The following UNC5D variants were observed in gnomAD, a reference collection of about 807,000 sequenced individuals.
UNC5D encodes the protein unc-5 netrin receptor D.
Under a neutral mutation model 105.4 loss-of-function variants are expected in UNC5D, and 39 were observed. That is an observed-to-expected ratio of 0.37 (90% confidence interval 0.29 to 0.48). UNC5D has a LOEUF of 0.48. UNC5D is among the 20% of genes least tolerant of loss of function. The pLI is 0.98. For synonymous variants in UNC5D, 452 were observed against 450.4 expected (o/e 1.00, Z -0.04); for missense variants, 991 against 1,202.4 (o/e 0.82, Z 2.60).
chr8:35,573,247 T>G (rs1817871490), intron 3 of UNC5D, among the ~76,000 whole-genome samples: 1 of 152,194 alleles, frequency 6.6e-6, no homozygotes, highest in African/African-American at 2.4e-5. Context: ...CCCAAATTCC[T>G]CATTTAACAG....
chr8:35,752,446 C>G (rs889393384), intron 13 of UNC5D, among the ~76,000 whole-genome samples: 1 of 152,124 alleles, frequency 6.6e-6, no homozygotes, highest in Admixed American at 6.5e-5. Flanking sequence ...GTAAAGGTGA[C>G]ACAGAGCCAG....
At chr8:35,514,689 A>G (rs1813000234) in intron 1 of UNC5D, among the ~76,000 whole-genome samples, 1 of 152,186 alleles carries the variant, frequency 6.6e-6, no homozygotes, top group African/African-American at 2.4e-5. Flanking sequence ...CCTTAGTGGC[A>G]ATTCAAACAA....
chr8:35,409,080 C>A (rs1210101700), intron 1 of UNC5D, among the ~76,000 whole-genome samples: 1 of 152,054 alleles, frequency 6.6e-6, no homozygotes, highest in Non-Finnish European at 1.5e-5. Context: ...TGTGTATCAT[C>A]CTTGTTGTAT....
intron 10 of UNC5D, among the ~76,000 whole-genome samples, chr8:35,729,190 A>C (rs921221749): frequency 6.6e-6 from 1 of 152,316 alleles, no homozygotes; most frequent in East Asian, 1.9e-4. Flanking sequence ...ACAGATAATT[A>C]AGCCAACTTG....
intron 1 of UNC5D, among the ~76,000 whole-genome samples, chr8:35,299,034 G>T (rs769247191): frequency 6.6e-6 from 1 of 152,178 alleles, no homozygotes; most frequent in Admixed American, 6.5e-5. Context: ...TTGTGCAAGG[G>T]AGTCAGATAT....
chr8:35,279,856 T>G (rs1181100146), intron 1 of UNC5D, among the ~76,000 whole-genome samples: 1 of 152,176 alleles, frequency 6.6e-6, no homozygotes, highest in Non-Finnish European at 1.5e-5. Flanking sequence ...GAAAATTGAA[T>G]CTATAGACTT....
chr8:35,735,553 G>A (rs1415429801), intron 11 of UNC5D, among the ~76,000 whole-genome samples: 4 of 152,204 alleles, frequency 2.6e-5, no homozygotes, highest in Non-Finnish European at 1.5e-5. Context: ...TGAGAAGGTA[G>A]AGGTGGTGGT....
At chr8:35,290,484 G>T (rs543120344) in intron 1 of UNC5D, among the ~76,000 whole-genome samples, 1 of 151,980 alleles carries the variant, frequency 6.6e-6, no homozygotes, top group African/African-American at 2.4e-5. Context: ...TAAGGGTAGG[G>T]GGTTGGGGAG....
At chr8:35,309,949 T>C (rs1476688115) in intron 1 of UNC5D, among the ~76,000 whole-genome samples, 2 of 152,212 alleles carry the variant, frequency 1.3e-5, no homozygotes, top group Non-Finnish European at 2.9e-5. Flanking sequence ...AATTTAGTGA[T>C]AGTTTTACTG....
At chr8:35,611,551 C>A (rs893444293) in intron 4 of UNC5D, among the ~76,000 whole-genome samples, 2 of 152,112 alleles carry the variant, frequency 1.3e-5, no homozygotes, top group African/African-American at 2.4e-5. Context: ...TATAATAGGT[C>A]GCATGAATTT....
chr8:35,541,938 T>C (rs984338350), intron 1 of UNC5D, among the ~76,000 whole-genome samples: 2 of 152,212 alleles, frequency 1.3e-5, no homozygotes, highest in South Asian at 2.1e-4. Flanking sequence ...TGAAGTTCTT[T>C]AAGGAACTAA....
chr8:35,268,768 A>T (rs1805068302), intron 1 of UNC5D, among the ~76,000 whole-genome samples: 1 of 152,160 alleles, frequency 6.6e-6, no homozygotes, highest in Non-Finnish European at 1.5e-5. Context: ...CCCCTATGAA[A>T]ATGATACTGT....
At chr8:35,574,845 C>T (rs1156244935) in intron 3 of UNC5D, among the ~76,000 whole-genome samples, 2 of 152,122 alleles carry the variant, frequency 1.3e-5, no homozygotes, top group African/African-American at 2.4e-5. Context: ...ATGTGGGACT[C>T]ATTTTCCCCT....
At chr8:35,718,344 T>G (rs1828374192) in intron 8 of UNC5D, among the ~76,000 whole-genome samples, 1 of 152,200 alleles carries the variant, frequency 6.6e-6, no homozygotes, top group African/African-American at 2.4e-5. Context: ...TCAAAATCAC[T>G]TTGAGCAAAC....
chr8:35,555,905 A>G (rs1346362974), intron 2 of UNC5D, among the ~76,000 whole-genome samples: 3 of 151,396 alleles, frequency 2.0e-5, no homozygotes, highest in Admixed American at 6.6e-5. Context: ...ACACACACAC[A>G]CACACACACA....
At chr8:35,601,715 T>C (rs905837894) in intron 4 of UNC5D, among the ~76,000 whole-genome samples, 1 of 152,134 alleles carries the variant, frequency 6.6e-6, no homozygotes, top group African/African-American at 2.4e-5. Flanking sequence ...ACGATGGGAT[T>C]TTCTAAATAT....
intron 4 of UNC5D, among the ~76,000 whole-genome samples, chr8:35,624,462 C>T (rs1821575543): frequency 6.6e-6 from 1 of 152,048 alleles, no homozygotes; most frequent in Admixed American, 6.6e-5. Flanking sequence ...TATAATAGTC[C>T]CGTATTCGTC....
At chr8:35,682,903 T>C (rs1174798814) in intron 4 of UNC5D, among the ~76,000 whole-genome samples, 1 of 152,174 alleles carries the variant, frequency 6.6e-6, no homozygotes, top group African/African-American at 2.4e-5. Context: ...CTCAACTGTG[T>C]CAGCTACCTA....
chr8:35,476,362 C>T lies in UNC5D; in HGVS notation c.104-72930C>T, dbSNP rs184727722. 1.4e-4 allele frequency among the ~76,000 whole-genome samples: 22 copies of T among 152,286 alleles called. No homozygotes were observed. In the East Asian group the frequency reaches 3.9e-3, roughly 27 times the overall value. ...ACACTTCCCCTCTTTGAGTATTAGT[C>T]CATTCATCTAGCTATAAAGATGTAT... On this transcript the variant is annotated intron_variant, in intron 1 of 16. Coordinates refer to ENST00000404895, the MANE Select transcript of UNC5D (RefSeq NM_080872.4).
Sources: allele counts gnomAD v4.1 joint callset (sites outside exome capture counted in the v4.1 genomes callset), GRCh38; gene constraint gnomAD v4.1.1; transcripts MANE v1.5; gene names NCBI Gene and HGNC (gene_info 2026-07-23, HGNC 2026-07-21).